The following LRCH3 variants were observed in gnomAD, a reference collection of about 807,000 sequenced individuals.
LRCH3 encodes leucine rich repeats and calponin homology domain containing 3.
In LRCH3, 68 loss-of-function variants were observed where a neutral mutation model predicts 104.5. The observed-to-expected ratio is 0.65, with a 90% confidence interval of 0.54 to 0.80. The LOEUF is 0.80. Among genes scored for constraint, LRCH3 ranks in the 30% least tolerant of loss-of-function variants. The pLI is 0.00. For missense variants in LRCH3, 951 were observed against 953.9 expected (o/e 1.00, Z 0.04); for synonymous variants, 344 against 361.3 (o/e 0.95, Z 0.54).
intron 1 of LRCH3, among the ~76,000 whole-genome samples, chr3:197,801,574 C>A (rs1731899592): frequency 1.3e-5 from 2 of 152,108 alleles, no homozygotes; most frequent in Admixed American, 1.3e-4. Context: ...TTTAAATTCT[C>A]TTCCTTTCTC....
intron 20 of LRCH3, among the ~76,000 whole-genome samples, chr3:197,879,532 GC>G (rs1469849488): frequency 1.3e-5 from 2 of 151,748 alleles, no homozygotes; most frequent in Non-Finnish European, 2.9e-5. Context: ...TGTAGTCCCA[GC>G]TGCTCGGGAG....
chr3:197,813,374 T>G (rs1373867005), intron 1 of LRCH3, among the ~76,000 whole-genome samples: 1 of 151,674 alleles, frequency 6.6e-6, no homozygotes, highest in Non-Finnish European at 1.5e-5. Context: ...GATAGAGGGG[T>G]GGTTTGTCAT....
At chr3:197,840,829 C>T (rs1180846810) in intron 10 of LRCH3, among the ~76,000 whole-genome samples, 1 of 152,162 alleles carries the variant, frequency 6.6e-6, no homozygotes, top group East Asian at 1.9e-4. Context: ...TTTTCAGTTG[C>T]CACGTGTCCT....
At chr3:197,817,379 T>TATATATATATATATATATATATA (rs1733973858) in intron 3 of LRCH3, 77 bp downstream of exon 3, 1 of 78,398 alleles carries the variant, frequency 1.3e-5, no homozygotes, top group African/African-American at 1.0e-4. Context: ...TATATATATA[T>TATATATATATATATATATATATA]GAAACCTTGG....
At chr3:197,795,463 TGAGA>T (rs1268152978) in intron 1 of LRCH3, among the ~76,000 whole-genome samples, 1 of 152,046 alleles carries the variant, frequency 6.6e-6, no homozygotes, top group Non-Finnish European at 1.5e-5. Flanking sequence ...GTTGAACTAT[TGAGA>T]AAGAGGCATG....
At chr3:197,850,614 A>T (rs1739457049) in intron 12 of LRCH3, 2 of 1,579,554 alleles carry the variant, frequency 1.3e-6, no homozygotes, top group African/African-American at 1.3e-5. Context: ...GATATGCTCA[A>T]TGACCAGAGA....
rs1008983445 is a variant in LRCH3, at chr3:197,809,582, C to CT, written c.263-5313dup. ...CCCATAAGTCCTTGCTCTGTTCAGT[C>CT]TTTTTTTTTTTTTCCCCCAATCTGT... On this transcript the variant is annotated intron_variant, in intron 1 of 20. Transcript: ENST00000425562. 1.3e-3 allele frequency among the ~76,000 whole-genome samples: 193 copies of CT among 146,370 alleles called. 1 individual carries two copies. The highest frequency in any genetic ancestry group is 4.1e-3 in the South Asian group (19 of 4,602).
chr3:197,832,280 A>T lies in LRCH3; in HGVS notation c.1065A>T (p.Gln355His), dbSNP rs199913431. ...EQRLRRESQY[Q>H]ENRGSLVVTN... is the part of the protein sequence containing the mutation. ...GACTACGAAGAGAAAGCCAGTACCA[A>T]GAGAACCGCGGCAGTTTGGTAGTAA... The change falls in exon 8 of 21, where the codon CAA becomes CAT. Residue 355 changes from glutamine (Q) to histidine (H), a missense_variant. By Grantham distance (24) the Gln-to-His change is conservative. Coordinates refer to ENST00000425562, the MANE Select transcript of LRCH3 (RefSeq NM_001365715.1). The T allele has an allele frequency of 6.2e-7, 1 of 1,613,988 alleles. No homozygotes were observed. The highest frequency in any genetic ancestry group is 2.2e-5 in the East Asian group (1 of 44,886).
Position 197,848,017 on chromosome 3 carries a change from T to C in LRCH3, c.1526T>C (p.Val509Ala). 1 of 1,613,956 alleles carries C rather than the reference T, an allele frequency of 6.2e-7. No individual in the cohort carries two copies. Among genetic ancestry groups the C allele is most frequent in the African/African-American group, 1.3e-5 (1 of 75,032 alleles). Reference protein sequence around the residue: ...QIQRDAVLDFVKQKASQSPQK... With the variant: ...QIQRDAVLDFAKQKASQSPQK... The stretch of plus-strand genomic sequence containing the variant: ...CAGAGAGATGCTGTCCTGGACTTTG[T>C]CAAAGTGAGTCGTTTGAATGATGCT... Residue 509 changes from valine (V) to alanine (A), a missense_variant, in exon 12 of 21, where the codon GTC becomes GCC. By Grantham distance (64) the Val-to-Ala change is moderately conservative (BLOSUM62 0). Coordinates refer to ENST00000425562, the MANE Select transcript of LRCH3 (RefSeq NM_001365715.1).
intron 8 of LRCH3, among the ~76,000 whole-genome samples, chr3:197,833,114 T>C (rs555793193): frequency 6.6e-6 from 1 of 152,322 alleles, no homozygotes; most frequent in African/African-American, 2.4e-5. Flanking sequence ...TAAGTGTTTC[T>C]CTCATATGAG....
intron 12 of LRCH3, among the ~76,000 whole-genome samples, chr3:197,849,908 A>G (rs1296087904): frequency 6.6e-6 from 1 of 152,238 alleles, no homozygotes; most frequent in Non-Finnish European, 1.5e-5. Flanking sequence ...AAACACAAAT[A>G]AAACAGAAAA....
intron 1 of LRCH3, among the ~76,000 whole-genome samples, chr3:197,795,410 G>A (rs1731077997): frequency 6.6e-6 from 1 of 152,062 alleles, no homozygotes; most frequent in Non-Finnish European, 1.5e-5. Context: ...GTTCAGAGGT[G>A]GGCCCATTTT....
rs1421664099 is a variant in LRCH3, at chr3:197,817,041, G to T, written c.408-135G>T. ...AAAGCTGACCACCAGTAAAACGAAG[G>T]CTAGAACTCCAGTACCCTGTTTGTT... On this transcript the variant is annotated intron_variant, in intron 2 of 20. Coordinates refer to ENST00000425562, the MANE Select transcript of LRCH3 (RefSeq NM_001365715.1). 5.8e-6 allele frequency: 4 copies of T among 691,974 alleles called. No homozygotes were observed. The Admixed American group carries it at 9.2e-5, about 16-fold the overall frequency. 42.9% of individuals were successfully genotyped at this position (691,974 alleles called of 1,614,324 possible). A position where few individuals can be genotyped will look rare whatever the true frequency, so the allele number is the denominator to read the frequency against.
intron 1 of LRCH3, among the ~76,000 whole-genome samples, chr3:197,804,234 C>T (rs1443941882): frequency 2.7e-5 from 4 of 150,476 alleles, no homozygotes; most frequent in Admixed American, 6.7e-5. Flanking sequence ...CTGCAGTGGG[C>T]GACAGCGTAA....
chr3:197,871,286 T>G (rs1004921212), intron 18 of LRCH3, 39 bp from the exon 19 acceptor site: 84 of 1,499,352 alleles, frequency 5.6e-5, no homozygotes, highest in Non-Finnish European at 7.6e-5. Flanking sequence ...ATGTCAGTCT[T>G]TCTTCAATTA....
At chr3:197,831,486 G>A (rs527515575) in intron 7 of LRCH3, among the ~76,000 whole-genome samples, 32 of 151,886 alleles carry the variant, frequency 2.1e-4, no homozygotes, top group African/African-American at 7.5e-4. Context: ...GTTTTACTGT[G>A]AATTGAAACC....
rs1049578239 is a variant in LRCH3, at chr3:197,854,018, A to G, written c.1591-374A>G. On this transcript the variant is annotated intron_variant, in intron 13 of 20. Transcript: ENST00000425562. This position sits in a 1 kb window ranked among gnomAD's most constrained non-coding sequence, Gnocchi z 4.5. ...CTTTTCATTTTGCTTAAGAAAGAAAATGAAGAGATACTTAGACTAGAAATT... is the reference window on the plus strand; with the variant it reads ...CTTTTCATTTTGCTTAAGAAAGAAAGTGAAGAGATACTTAGACTAGAAATT... Among the ~76,000 whole-genome samples the G allele has an allele frequency of 7.2e-5, 11 of 152,350 alleles. No individual in the cohort carries two copies. The highest frequency in any genetic ancestry group is 2.6e-4 in the African/African-American group (11 of 41,586).
At chr3:197,860,497 T>C (rs76076076) in intron 15 of LRCH3, among the ~76,000 whole-genome samples, 3,036 of 152,202 alleles carry the variant, frequency 0.02, 52 homozygotes, top group Non-Finnish European at 0.032. Flanking sequence ...GGCCAGGAAC[T>C]CAAGACTGCA....
chr3:197,800,952 G>A (rs1286077849), intron 1 of LRCH3, among the ~76,000 whole-genome samples: 2 of 151,920 alleles, frequency 1.3e-5, no homozygotes, highest in East Asian at 1.9e-4. Flanking sequence ...AAAATTAGCC[G>A]GGTGTGGTGG....
Sources: allele counts gnomAD v4.1 joint callset (sites outside exome capture counted in the v4.1 genomes callset), GRCh38; gene constraint gnomAD v4.1.1; non-coding constraint Gnocchi (gnomAD v3.1); transcripts MANE v1.5; gene names NCBI Gene and HGNC (gene_info 2026-07-23, HGNC 2026-07-21).